Variants in GCNT1 observed in about 807,000 individuals in gnomAD.
GCNT1 encodes beta-1,3-galactosyl-O-glycosyl-glycoprotein beta-1,6-N-acetylglucosaminyltransferase.
A neutral mutation model predicts 26.2 loss-of-function variants in GCNT1; 16 were observed. The ratio of observed to expected loss-of-function variants is 0.61; its 90% CI spans 0.41 to 0.93. The LOEUF is 0.93. Among genes scored for constraint, GCNT1 ranks in the 40% least tolerant of loss-of-function variants. The probability of loss-of-function intolerance (pLI) is 0.00; values close to 1 mark genes in which losing one functional copy is unlikely to be tolerated. For synonymous variants in GCNT1, 183 were observed against 190.8 expected (o/e 0.96, Z 0.34); for missense variants, 477 against 526.7 (o/e 0.91, Z 0.92).
intron 1 of GCNT1, among the ~76,000 whole-genome samples, chr9:76,421,538 G>A (rs555147287): frequency 6.7e-6 from 1 of 149,200 alleles, no homozygotes; most frequent in East Asian, 2.0e-4. Context: ...CAGGAGGGAG[G>A]CTGAGTGAGC....
chr9:76,403,982 A>G, the GCNT1 span, among the ~76,000 whole-genome samples: 7 of 152,244 alleles, frequency 4.6e-5, no homozygotes, highest in Non-Finnish European at 8.8e-5. Context: ...TTTTCAGAAT[A>G]ATGAGTAAAT....
At chr9:76,490,531 G>A (rs1418259456) in intron 2 of GCNT1, among the ~76,000 whole-genome samples, 1 of 152,166 alleles carries the variant, frequency 6.6e-6, no homozygotes, top group African/African-American at 2.4e-5. Flanking sequence ...AAGATTAGAA[G>A]TTAGGATAAT....
At position 76,464,779 on chromosome 9, in the gene GCNT1, A is replaced by T. The variant is rs115691488; in HGVS notation, c.-290+4602A>T. On this transcript the variant is annotated intron_variant, in intron 2 of 3. Coordinates refer to ENST00000376730, the MANE Select transcript of GCNT1 (RefSeq NM_001490.5). Reference sequence around the variant, plus strand: ...TGTTTTCTCTAAATTCTACTTAAAAATTGAATATACTTCTTTAGTTCATCT... The same window carrying T: ...TGTTTTCTCTAAATTCTACTTAAAATTTGAATATACTTCTTTAGTTCATCT... 4.2e-3 allele frequency among the ~76,000 whole-genome samples: 640 copies of T among 152,348 alleles called. 9 individuals carry two copies. The highest frequency in any genetic ancestry group is 0.015 in the African/African-American group (617 of 41,584).
intron 2 of GCNT1, among the ~76,000 whole-genome samples, chr9:76,464,820 A>C (rs1823958402): frequency 6.6e-6 from 1 of 152,220 alleles, no homozygotes; most frequent in Non-Finnish European, 1.5e-5. Flanking sequence ...ACATTTTCTC[A>C]AAGGCAGATA....
the GCNT1 span, among the ~76,000 whole-genome samples, chr9:76,394,736 G>T: frequency 2.0e-5 from 3 of 151,770 alleles, no homozygotes; most frequent in African/African-American, 4.8e-5. Context: ...AACAATTCTG[G>T]TTTTTTTTTC....
rs558627334 is a variant in GCNT1, at chr9:76,424,591, GA to G, written n.38+4711del. 2.6e-3 allele frequency among the ~76,000 whole-genome samples: 401 copies of G among 152,140 alleles called. 1 individual carries two copies. The highest frequency in any genetic ancestry group is 9.3e-3 in the African/African-American group (387 of 41,530). On this transcript the variant is annotated intron_variant and non_coding_transcript_variant, in intron 1 of 3. Transcript: ENST00000488136. ...AAACTCTTTTTTCATCTCAAAAAAAGAAAAAAACTAGATAGACAAGACCTGG... is the reference window on the plus strand; with the variant it reads ...AAACTCTTTTTTCATCTCAAAAAAAGAAAAAACTAGATAGACAAGACCTGG...
At chr9:76,465,788 A>C (rs555038459) in intron 2 of GCNT1, among the ~76,000 whole-genome samples, 9 of 152,208 alleles carry the variant, frequency 5.9e-5, no homozygotes, top group Non-Finnish European at 1.3e-4. Context: ...TAAAATCAGC[A>C]AGAAGGTGGT....
the GCNT1 span, chr9:76,394,201 G>T: frequency 1.3e-6 from 2 of 1,558,394 alleles, no homozygotes; most frequent in Non-Finnish European, 1.7e-6. Context: ...ATGGGCTGCG[G>T]CCCGGTCTGC....
chr9:76,404,768 T>C, the GCNT1 span, among the ~76,000 whole-genome samples: 18 of 152,278 alleles, frequency 1.2e-4, no homozygotes, highest in African/African-American at 3.6e-4. Flanking sequence ...ACTGCTCAGG[T>C]GAGACCCAAG....
upstream of GCNT1, among the ~76,000 whole-genome samples, chr9:76,418,297 C>G (rs947226177): frequency 6.6e-6 from 1 of 152,184 alleles, no homozygotes; most frequent in Non-Finnish European, 1.5e-5. Context: ...CTCCAGGTAA[C>G]AGACTTTGGA....
chr9:76,454,941 G>A (rs572861242), upstream of GCNT1, among the ~76,000 whole-genome samples: 37 of 140,682 alleles, frequency 2.6e-4, no homozygotes, highest in Non-Finnish European at 4.1e-4. Flanking sequence ...TCCGCCTCCC[G>A]GGTTCAAGCG....
intron 1 of GCNT1, among the ~76,000 whole-genome samples, chr9:76,425,006 TCA>T (rs1480328253): frequency 1.3e-5 from 2 of 151,538 alleles, no homozygotes; most frequent in African/African-American, 4.8e-5. Flanking sequence ...AGGCGTGGTA[TCA>T]CGCGCCTGTA....
chr9:76,421,618 A>C (rs1171313508), intron 1 of GCNT1, among the ~76,000 whole-genome samples: 1 of 148,954 alleles, frequency 6.7e-6, no homozygotes, highest in East Asian at 1.9e-4. Context: ...AAAAAAAAAA[A>C]AAAACCACAA....
At chr9:76,471,840 G>A (rs1344251985) in intron 2 of GCNT1, among the ~76,000 whole-genome samples, 2 of 152,120 alleles carry the variant, frequency 1.3e-5, no homozygotes, top group African/African-American at 4.8e-5. Flanking sequence ...GTCAAAATAA[G>A]ATGTAAATTT....
intron 2 of GCNT1, among the ~76,000 whole-genome samples, chr9:76,492,484 G>A (rs376860144): frequency 7.2e-5 from 11 of 151,860 alleles, no homozygotes; most frequent in South Asian, 4.2e-4. Context: ...CGAGAAAGCC[G>A]CACCAGTGTC....
chr9:76,403,285 C>G, the GCNT1 span, among the ~76,000 whole-genome samples: 1 of 152,212 alleles, frequency 6.6e-6, no homozygotes. Flanking sequence ...AAAATCGATA[C>G]TCCACAAATA....
rs1193106797 is a variant in GCNT1, at chr9:76,502,805, G to A, written c.424G>A (p.Ala142Thr). 1.2e-6 allele frequency: 2 copies of A among 1,613,928 alleles called. No homozygotes were observed. Among genetic ancestry groups the A allele is most frequent in the Non-Finnish European group, 1.7e-6 (2 of 1,179,962 alleles). ...TGAAATGCTTGACAGGCTGCTGAGG[G>A]CCATCTATATGCCTCAGAATTTCTA... ...KIEMLDRLLRAIYMPQNFYCI... is the reference protein window; with the variant it reads ...KIEMLDRLLRTIYMPQNFYCI... Residue 142 changes from alanine (A) to threonine (T), a missense_variant, in exon 4 of 4, where the codon GCC becomes ACC. By Grantham distance (58) the Ala-to-Thr change is moderately conservative (BLOSUM62 0). Transcript: ENST00000376730.
chr9:76,444,958 C>G (rs1257923445), intron 1 of GCNT1, among the ~76,000 whole-genome samples: 2 of 152,176 alleles, frequency 1.3e-5, no homozygotes, highest in African/African-American at 4.8e-5. Flanking sequence ...TGCTGTCACA[C>G]TAGAGGGACA....
the GCNT1 span, among the ~76,000 whole-genome samples, chr9:76,395,757 A>G: frequency 6.6e-6 from 1 of 152,232 alleles, no homozygotes; most frequent in East Asian, 1.9e-4. Context: ...AATAACGATA[A>G]TAGTAATACC....
Sources: gnomAD v4.1 joint callset for allele counts (sites outside exome capture counted in the v4.1 genomes callset) on GRCh38, gnomAD v4.1.1 for gene constraint, MANE v1.5 for transcripts, NCBI Gene and HGNC (gene_info 2026-07-23, HGNC 2026-07-21) for gene names.